Variants in KCND2 observed in about 807,000 individuals in gnomAD.
The protein encoded by KCND2 is potassium voltage-gated channel subfamily D member 2.
KCND2 carries 16 observed loss-of-function variants against 54.4 expected under a neutral mutation model. That is an observed-to-expected ratio of 0.29 (90% confidence interval 0.20 to 0.45). KCND2 has a LOEUF of 0.45. KCND2 is among the 20% of genes least tolerant of loss of function. The pLI is 1.00. For synonymous variants in KCND2, 317 were observed against 310.7 expected, an observed-to-expected ratio of 1.02 and a Z score of -0.21; for missense variants, 486 against 824.2, an observed-to-expected ratio of 0.59 and a Z score of 5.02.
chr7:120,485,423 C>A (rs1200876458), intron 1 of KCND2, among the ~76,000 whole-genome samples: 1 of 152,114 alleles, frequency 6.6e-6, no homozygotes, highest in Non-Finnish European at 1.5e-5. Context: ...GGTAACATAT[C>A]AAAGTTTAGA....
At chr7:120,400,171 T>C (rs1055222493) in intron 1 of KCND2, among the ~76,000 whole-genome samples, 1 of 152,174 alleles carries the variant, frequency 6.6e-6, no homozygotes, top group Admixed American at 6.6e-5. Flanking sequence ...TTAACATGAC[T>C]CTTTTGTTTT....
intron 1 of KCND2, among the ~76,000 whole-genome samples, chr7:120,286,135 C>T (rs1223739419): frequency 2.0e-5 from 3 of 151,832 alleles, no homozygotes; most frequent in Admixed American, 2.0e-4. Flanking sequence ...ACTTTATAGA[C>T]CACTCACATT....
At chr7:120,455,822 T>G (rs1483824841) in intron 1 of KCND2, among the ~76,000 whole-genome samples, 1 of 151,990 alleles carries the variant, frequency 6.6e-6, no homozygotes, top group African/African-American at 2.4e-5. Context: ...GGGTTAAGGG[T>G]GGGAGGAAGG....
chr7:120,697,687 G>A (rs957624477), intron 1 of KCND2, among the ~76,000 whole-genome samples: 5 of 152,238 alleles, frequency 3.3e-5, no homozygotes, highest in African/African-American at 1.2e-4. Context: ...AGAAGCTGTG[G>A]GGATAATGAT....
intron 1 of KCND2, among the ~76,000 whole-genome samples, chr7:120,286,323 A>G (rs1799342573): frequency 6.6e-6 from 1 of 151,954 alleles, no homozygotes; most frequent in African/African-American, 2.4e-5. Context: ...GTGTAAATCA[A>G]TATTATATAC....
intron 1 of KCND2, among the ~76,000 whole-genome samples, chr7:120,401,006 T>C (rs1358688304): frequency 6.6e-6 from 1 of 151,768 alleles, no homozygotes; most frequent in Non-Finnish European, 1.5e-5. Context: ...TGGGGCACTC[T>C]GGTAACTTCT....
intron 1 of KCND2, among the ~76,000 whole-genome samples, chr7:120,333,743 T>C (rs930707635): frequency 2.0e-5 from 3 of 152,122 alleles, no homozygotes; most frequent in Admixed American, 1.3e-4. Context: ...CTTCCATTCA[T>C]AGCAACACTT....
chr7:120,735,318 A>G (rs982538023), intron 2 of KCND2, among the ~76,000 whole-genome samples: 3 of 152,024 alleles, frequency 2.0e-5, no homozygotes, highest in Admixed American at 6.6e-5. Context: ...CATCACACTC[A>G]TGACGCTGCC....
rs965015701 is a variant in KCND2 at position 120,381,621 on chromosome 7, T to A, written c.1115+105874T>A. Among the ~76,000 whole-genome samples, 6 of 152,184 alleles carry A rather than the reference T, an allele frequency of 3.9e-5. No individual in the cohort carries two copies. The South Asian group carries it at 1.2e-3, about 32-fold the overall frequency. Reference sequence around the variant, plus strand: ...GTAGAGTAATACATAGAACTGTCATTTGTAATTTCAGTTATACCTGGGGAA... The same window carrying A: ...GTAGAGTAATACATAGAACTGTCATATGTAATTTCAGTTATACCTGGGGAA... On this transcript the variant is annotated intron_variant, in intron 1 of 5. Transcript: ENST00000331113.
At chr7:120,478,444 A>C (rs896692145) in intron 1 of KCND2, among the ~76,000 whole-genome samples, 20 of 152,148 alleles carry the variant, frequency 1.3e-4, no homozygotes, top group Non-Finnish European at 2.1e-4. Context: ...TTGTCAATGA[A>C]GTAGCATTTT....
chr7:120,731,426 C>G (rs1004189414), intron 1 of KCND2, among the ~76,000 whole-genome samples: 4 of 152,178 alleles, frequency 2.6e-5, no homozygotes, highest in African/African-American at 9.6e-5. Flanking sequence ...TGAATAATCA[C>G]CATCTGGGGG....
At chr7:120,742,233 T>G (rs1344776538) in intron 3 of KCND2, 3 of 406,184 alleles carry the variant, frequency 7.4e-6, no homozygotes, top group Non-Finnish European at 1.4e-5. Flanking sequence ...ACATAACAGA[T>G]TCCCATCTTA....
At chr7:120,330,942 TTAAAA>T in intron 1 of KCND2, among the ~76,000 whole-genome samples, 1 of 152,144 alleles carries the variant, frequency 6.6e-6, no homozygotes, top group Admixed American at 6.5e-5. Flanking sequence ...CTAAATGAAA[TTAAAA>T]TGAGGAAGAA....
intron 1 of KCND2, among the ~76,000 whole-genome samples, chr7:120,513,734 G>T (rs201818922): frequency 3.9e-4 from 59 of 151,628 alleles, no homozygotes; most frequent in African/African-American, 1.3e-3. Flanking sequence ...TCAAATTTTT[G>T]TTTTTTGCAC....
intron 1 of KCND2, among the ~76,000 whole-genome samples, chr7:120,645,789 T>C (rs1173822316): frequency 6.6e-6 from 1 of 152,220 alleles, no homozygotes; most frequent in African/African-American, 2.4e-5. Context: ...GCTAATATGG[T>C]GTTTTATGTC....
At position 120,745,907 on chromosome 7, in the gene KCND2, G is replaced by T. The variant is rs749225363; in HGVS notation, c.1595G>T (p.Arg532Leu). Reference protein sequence around the residue: ...QQGVTSTCCSRRHKKTFRIPN... With the variant: ...QQGVTSTCCSLRHKKTFRIPN... ...GGAGTCACCAGCACCTGCTGTTCAC[G>T]ACGACACAAAAAAACTTTTCGCATC... The change falls in exon 5 of 6, where the codon CGA becomes CTA. Residue 532 changes from arginine (R) to leucine (L), a missense_variant. Physicochemically the swap from Arg to Leu is moderately radical, Grantham distance 102 (BLOSUM62 -2). This residue lies in a region of KCND2 where 202 missense variants were observed against 252.7 expected (regional missense o/e 0.80). Coordinates refer to ENST00000331113, the MANE Select transcript of KCND2 (RefSeq NM_012281.3). 3.1e-6 allele frequency: 5 copies of T among 1,613,828 alleles called. No homozygotes were observed. Among genetic ancestry groups the T allele is most frequent in the South Asian group, 1.1e-5 (1 of 91,072 alleles).
intron 1 of KCND2, among the ~76,000 whole-genome samples, chr7:120,307,351 G>A (rs1221864955): frequency 6.6e-6 from 1 of 151,936 alleles, no homozygotes; most frequent in African/African-American, 2.4e-5. Context: ...CTTTTTTGAT[G>A]CTGTTTTACA....
At chr7:120,492,797 C>G (rs1802802634) in intron 1 of KCND2, among the ~76,000 whole-genome samples, 1 of 152,064 alleles carries the variant, frequency 6.6e-6, no homozygotes, top group Admixed American at 6.6e-5. Context: ...CAGAACACTT[C>G]CATTAGCCTA....
At chr7:120,386,057 T>A (rs1800983598) in intron 1 of KCND2, among the ~76,000 whole-genome samples, 1 of 152,132 alleles carries the variant, frequency 6.6e-6, no homozygotes, top group Non-Finnish European at 1.5e-5. Context: ...ACCTTTTCTG[T>A]CTAGCCTCAG....
Sources: gnomAD v4.1 joint callset for allele counts (sites outside exome capture counted in the v4.1 genomes callset) on GRCh38, gnomAD v4.1.1 for gene constraint, gnomAD v4.1.1 regional missense constraint, MANE v1.5 for transcripts, NCBI Gene and HGNC (gene_info 2026-07-23, HGNC 2026-07-21) for gene names.